ARHGAP42: variants seen among roughly 807,000 people sequenced by gnomAD.
ARHGAP42 encodes the protein Rho GTPase activating protein 42, also known as rho GTPase-activating protein 42.
In ARHGAP42, 63 loss-of-function variants were observed where a neutral mutation model predicts 125.0. The ratio of observed to expected loss-of-function variants is 0.50; its 90% CI spans 0.41 to 0.62. The LOEUF is 0.62. Among genes scored for constraint, ARHGAP42 ranks in the 20% least tolerant of loss-of-function variants. ARHGAP42 has a pLI of 0.00. For missense variants in ARHGAP42, 766 were observed against 1,024.2 expected, an observed-to-expected ratio of 0.75 and a Z score of 3.44; for synonymous variants, 339 against 351.0, an observed-to-expected ratio of 0.97 and a Z score of 0.38.
chr11:100,917,810 G>A (rs928344694), intron 5 of ARHGAP42, among the ~76,000 whole-genome samples: 11 of 152,156 alleles, frequency 7.2e-5, no homozygotes, highest in Non-Finnish European at 1.2e-4. Flanking sequence ...GACCTCAAGT[G>A]ATCCTCCCAT....
intron 4 of ARHGAP42, among the ~76,000 whole-genome samples, chr11:100,896,579 C>G (rs1866371189): frequency 6.6e-6 from 1 of 152,208 alleles, no homozygotes; most frequent in Non-Finnish European, 1.5e-5. Flanking sequence ...TTGCATTTCT[C>G]TGATGACTAG....
At chr11:100,714,694 C>A (rs6590813) in intron 1 of ARHGAP42, among the ~76,000 whole-genome samples, 83,222 of 151,852 alleles carry the variant, frequency 0.55, 23,585 homozygotes, top group African/African-American at 0.71. Context: ...CAGGCTTTTC[C>A]AATTCTCTTT....
Position 100,691,473 on chromosome 11 carries a change from A to C in ARHGAP42, c.154+3641A>C, listed in dbSNP as rs147674722. 2.8e-3 allele frequency among the ~76,000 whole-genome samples: 432 copies of C among 152,316 alleles called. 2 individuals are homozygous for C. Among genetic ancestry groups the C allele is most frequent in the African/African-American group, 9.8e-3 (406 of 41,562 alleles). On this transcript the variant is annotated intron_variant, in intron 1 of 23. Coordinates refer to ENST00000298815, the MANE Select transcript of ARHGAP42 (RefSeq NM_152432.4). ...CACAGACCCCAAAAAAGAGACAAAA[A>C]GAGAATAGACAGAAATAAACAGAAT...
At chr11:100,733,825 GA>G (rs551074447) in intron 1 of ARHGAP42, among the ~76,000 whole-genome samples, 4,169 of 31,160 alleles carry the variant, frequency 0.13, 26 homozygotes, top group East Asian at 0.22. Context: ...ATTCTGTCTG[GA>G]AAAAAAAAAA....
chr11:100,708,996 T>A (rs1453941593), intron 1 of ARHGAP42, among the ~76,000 whole-genome samples: 2 of 152,172 alleles, frequency 1.3e-5, no homozygotes, highest in Admixed American at 1.3e-4. Context: ...CCTTGTACTA[T>A]ACTCACCTTT....
rs1286920779 is a variant in ARHGAP42, at chr11:100,879,003, GAA to G, written c.384+19379_384+19380del. ...AACAATTTTTTTTTTTTCAAGGAAA[GAA>G]GACATGAACAAATATTTAGTGTGGT... On this transcript the variant is annotated intron_variant, in intron 4 of 23. Coordinates refer to ENST00000298815, the MANE Select transcript of ARHGAP42 (RefSeq NM_152432.4). 1.1e-4 allele frequency among the ~76,000 whole-genome samples: 17 copies of G among 148,670 alleles called. No homozygotes were observed. In the East Asian group the frequency reaches 3.0e-3, roughly 26 times the overall value.
chr11:100,985,979 A>G (rs1858668717), intron 22 of ARHGAP42: 2 of 454,170 alleles, frequency 4.4e-6, no homozygotes, highest in Admixed American at 4.7e-5. Flanking sequence ...TGGGACCCCA[A>G]GGAGGATAGA....
chr11:100,863,052 A>AC (rs1478677283), intron 4 of ARHGAP42, among the ~76,000 whole-genome samples: 7 of 71,876 alleles, frequency 9.7e-5, no homozygotes, highest in Non-Finnish European at 1.9e-4. Flanking sequence ...AAAAAAAAAA[A>AC]ACACAAAACA....
chr11:100,935,255 C>A (rs959093228), intron 7 of ARHGAP42, among the ~76,000 whole-genome samples: 2 of 151,842 alleles, frequency 1.3e-5, no homozygotes, highest in Admixed American at 1.3e-4. Flanking sequence ...AAGTCTGATT[C>A]TTCCTATAGC....
intron 3 of ARHGAP42, 172 bp from the exon 4 acceptor site, chr11:100,859,381 GA>G: frequency 2.2e-6 from 1 of 459,338 alleles, no homozygotes; most frequent in Non-Finnish European, 3.8e-6. Flanking sequence ...AATAATATGC[GA>G]AAACAGCTTA....
intron 1 of ARHGAP42, among the ~76,000 whole-genome samples, chr11:100,762,629 G>A (rs1489142656): frequency 6.6e-6 from 1 of 152,120 alleles, no homozygotes; most frequent in African/African-American, 2.4e-5. Flanking sequence ...ACAGAAAATA[G>A]CAAAGATTGT....
chr11:100,865,596 G>A (rs1305970137), intron 4 of ARHGAP42, among the ~76,000 whole-genome samples: 1 of 152,086 alleles, frequency 6.6e-6, no homozygotes, highest in Admixed American at 6.6e-5. Context: ...AGATTTTGTA[G>A]GTTCAGTTCC....
chr11:100,855,798 G>A (rs1865310170), intron 3 of ARHGAP42, among the ~76,000 whole-genome samples: 1 of 151,928 alleles, frequency 6.6e-6, no homozygotes, highest in Non-Finnish European at 1.5e-5. Flanking sequence ...TATCAGATTT[G>A]CTTTTCTTCT....
chr11:100,896,468 C>T (rs1001943173), intron 4 of ARHGAP42, among the ~76,000 whole-genome samples: 56 of 152,258 alleles, frequency 3.7e-4, no homozygotes, highest in African/African-American at 1.3e-3. Context: ...AGTGTAAAAG[C>T]TTTCCTATTT....
At chr11:100,848,907 A>G (rs1052344953) in intron 3 of ARHGAP42, among the ~76,000 whole-genome samples, 2 of 152,170 alleles carry the variant, frequency 1.3e-5, no homozygotes, top group African/African-American at 4.8e-5. Context: ...GCTTTACCTT[A>G]TTATCTGATT....
At position 100,990,443 on chromosome 11, in the gene ARHGAP42, T is replaced by A. The variant is rs1858803306; in HGVS notation, c.*1642T>A. ...CTTTTACAAATAAAAAGAATAAGAT[T>A]AGAATTAACAAGTAGAGAGAATAAC... On this transcript the variant is annotated 3_prime_UTR_variant, in exon 24 of 24. Coordinates refer to ENST00000298815, the MANE Select transcript of ARHGAP42 (RefSeq NM_152432.4). 6.6e-6 allele frequency: 1 copy of A among 152,104 alleles called. No homozygotes were observed. Among genetic ancestry groups the A allele is most frequent in the African/African-American group, 2.4e-5 (1 of 41,422 alleles). The allele number at this position is 152,104 out of a possible 1,614,324, so 9.4% of individuals were successfully genotyped here.
At chr11:100,915,950 G>C (rs1867049941) in intron 5 of ARHGAP42, among the ~76,000 whole-genome samples, 1 of 152,304 alleles carries the variant, frequency 6.6e-6, no homozygotes, top group African/African-American at 2.4e-5. Context: ...AAAGTCATCT[G>C]CTCCTTTCTA....
intron 1 of ARHGAP42, among the ~76,000 whole-genome samples, chr11:100,692,455 G>C (rs73571424): frequency 0.013 from 1,999 of 152,272 alleles, 58 homozygotes; most frequent in African/African-American, 0.045. Flanking sequence ...TCTTCTCAGA[G>C]ATTGCTGATA....
intron 1 of ARHGAP42, among the ~76,000 whole-genome samples, chr11:100,761,166 T>C (rs1185369568): frequency 6.6e-6 from 1 of 151,930 alleles, no homozygotes; most frequent in African/African-American, 2.4e-5. Context: ...CTTCAGAAAA[T>C]GTTGCTTGGG....
Sources: gnomAD v4.1 joint callset for allele counts (sites outside exome capture counted in the v4.1 genomes callset) on GRCh38, gnomAD v4.1.1 for gene constraint, MANE v1.5 for transcripts, NCBI Gene and HGNC (gene_info 2026-07-23, HGNC 2026-07-21) for gene names.